The following CD300LF variants were observed in gnomAD, a reference collection of about 807,000 sequenced individuals.
The protein encoded by CD300LF is CD300 molecule like family member f.
In CD300LF, 27 loss-of-function variants were observed where a neutral mutation model predicts 32.2. The observed-to-expected ratio is 0.84, with a 90% CI of 0.62 to 1.15. The LOEUF is 1.15. CD300LF is among the 50% of genes most tolerant of loss of function. The pLI is 0.00. For synonymous variants in CD300LF, 139 were observed against 143.2 expected (o/e 0.97, Z 0.21); for missense variants, 348 against 356.8 (o/e 0.98, Z 0.20).
In CD300LF at chr17:74,695,978, C is replaced by T. The variant is rs137990037; in HGVS notation, c.583-119G>A. ...TCCCCAGGTGCCCCTCTCCCATTTC[C>T]CTCCGTGTCCTCCACTTCTCAGGCT... On this transcript the variant is annotated intron_variant, in intron 5 of 6. Coordinates refer to ENST00000326165, the MANE Select transcript of CD300LF (RefSeq NM_139018.5). 2.4e-4 allele frequency: 317 copies of T among 1,306,042 alleles called. 1 individual carries two copies. In the African/African-American group the frequency reaches 4.1e-3, roughly 17 times the overall value. The allele number at this position is 1,306,042 out of a possible 1,614,324, so 80.9% of individuals were successfully genotyped here. A position where few individuals can be genotyped will look rare whatever the true frequency, so the allele number is the denominator to read the frequency against.
At position 74,695,321 on chromosome 17, in the gene CD300LF, C is replaced by T. The variant is rs1039707131; in HGVS notation, c.718-70G>A. On this transcript the variant is annotated intron_variant, in intron 6 of 6. Coordinates refer to ENST00000326165, the MANE Select transcript of CD300LF (RefSeq NM_139018.5). ...GACGGTCACGGGGCAGAGGAGCCCT[C>T]GGAGGAGGATAGTGGGGATGGACCA... The T allele has an allele frequency of 4.4e-6, 7 of 1,577,392 alleles. No individual in the cohort carries two copies. The South Asian group carries it at 4.6e-5, about 10-fold the overall frequency.
At chr17:74,696,087 C>G in intron 5 of CD300LF, 108 bp downstream of exon 5, 1 of 1,428,356 alleles carries the variant, frequency 7.0e-7, no homozygotes, top group Non-Finnish European at 9.5e-7. Context: ...GGACAGGATA[C>G]TTTGGCACAG....
rs1456712125 is a variant in CD300LF at position 74,696,713 on chromosome 17, TTAG to T, written c.560-499_560-497del. 2.6e-5 allele frequency among the ~76,000 whole-genome samples: 4 copies of T among 152,192 alleles called. No homozygotes were observed. In the East Asian group the frequency reaches 7.7e-4, roughly 29 times the overall value. ...TCATCTTCGTCCTACTGAATTCTAG[TTAG>T]TCCTCAGGTGGGCTGTAAGCTGCAG... is the stretch of plus-strand genomic sequence containing the variant. On this transcript the variant is annotated intron_variant, in intron 4 of 6. Transcript: ENST00000326165.
intron 3 of CD300LF, among the ~76,000 whole-genome samples, chr17:74,699,800 G>A (rs2032867810): frequency 1.3e-5 from 2 of 152,010 alleles, no homozygotes; most frequent in South Asian, 2.1e-4. Context: ...CACAGCAGCC[G>A]GGGGGCCTGT....
intron 1 of CD300LF, among the ~76,000 whole-genome samples, chr17:74,711,116 C>T (rs545422951): frequency 3.7e-4 from 57 of 152,140 alleles, no homozygotes; most frequent in African/African-American, 1.2e-3. Context: ...TGTTTTAAAA[C>T]GATAAATTAT....
At chr17:74,701,344 C>G (rs1477942306) in intron 3 of CD300LF, among the ~76,000 whole-genome samples, 1 of 152,176 alleles carries the variant, frequency 6.6e-6, no homozygotes, top group Non-Finnish European at 1.5e-5. Flanking sequence ...TTCCCTTAAA[C>G]AGTGACAGGC....
At chr17:74,706,720 C>A (rs151196286) in intron 1 of CD300LF, among the ~76,000 whole-genome samples, 15 of 152,242 alleles carry the variant, frequency 9.9e-5, no homozygotes, top group Non-Finnish European at 1.8e-4. Context: ...CAACAACCAA[C>A]GGCGCGGACA....
At chr17:74,699,714 C>T (rs1395659980) in intron 3 of CD300LF, among the ~76,000 whole-genome samples, 1 of 152,104 alleles carries the variant, frequency 6.6e-6, no homozygotes, top group African/African-American at 2.4e-5. Flanking sequence ...TGTGAGAGAA[C>T]GTATTTCTTT....
chr17:74,709,865 G>A (rs115732374), intron 1 of CD300LF, among the ~76,000 whole-genome samples: 2 of 151,948 alleles, frequency 1.3e-5, no homozygotes, highest in Non-Finnish European at 2.9e-5. Flanking sequence ...GAGCCATCAT[G>A]CATCACCAGC....
intron 3 of CD300LF, among the ~76,000 whole-genome samples, chr17:74,702,750 C>T (rs868397795): frequency 6.6e-6 from 1 of 152,144 alleles, no homozygotes; most frequent in South Asian, 2.1e-4. Context: ...GTCCCCAGAG[C>T]TCAGCACGGT....
intron 1 of CD300LF, among the ~76,000 whole-genome samples, chr17:74,708,550 A>G (rs1037222652): frequency 3.3e-5 from 5 of 152,372 alleles, no homozygotes; most frequent in African/African-American, 1.2e-4. Flanking sequence ...ATCTGGTGAT[A>G]CATAAACAGG....
At chr17:74,705,246 G>T (rs977813025) in intron 1 of CD300LF, 1 of 702,290 alleles carries the variant, frequency 1.4e-6, no homozygotes. Flanking sequence ...TCGAGCTGAG[G>T]CAGCCACATC....
intron 1 of CD300LF, among the ~76,000 whole-genome samples, chr17:74,705,668 C>T (rs2033446647): frequency 1.3e-5 from 2 of 152,090 alleles, no homozygotes; most frequent in Admixed American, 1.3e-4. Flanking sequence ...AATCATGGCT[C>T]ACTGAAGCCT....
intron 1 of CD300LF, among the ~76,000 whole-genome samples, chr17:74,711,142 AGGGTAAGCACACTTGCTGCTTGT>A (rs1182030735): frequency 2.0e-5 from 3 of 152,206 alleles, no homozygotes; most frequent in Non-Finnish European, 4.4e-5. Context: ...AGAGGGAAAC[AGGGTAAGCACACTTGCTGCTTGT>A]GGGTGGAAGT....
At chr17:74,696,124 G>A in intron 5 of CD300LF, 71 bp downstream of exon 5, 1 of 1,544,704 alleles carries the variant, frequency 6.5e-7, no homozygotes, top group South Asian at 1.2e-5. Flanking sequence ...TGGACCTTCT[G>A]AGAGATGGAA....
chr17:74,695,616 C>T lies in CD300LF; in HGVS notation c.717+109G>A, dbSNP rs921270670. On this transcript the variant is annotated intron_variant, in intron 6 of 6. Transcript: ENST00000326165. Reference sequence around the variant, plus strand: ...TGACTATGGCTTTGCCCCACACCTGCCTCCTCTATGCCCACATGAGCAGGA... The same window carrying T: ...TGACTATGGCTTTGCCCCACACCTGTCTCCTCTATGCCCACATGAGCAGGA... 1.1e-5 allele frequency: 17 copies of T among 1,499,196 alleles called. No homozygotes were observed. In the African/African-American group the frequency reaches 1.9e-4, roughly 17 times the overall value. 92.9% of individuals were successfully genotyped at this position (1,499,196 alleles called of 1,614,324 possible).
At chr17:74,702,072 G>A (rs1008753001) in intron 3 of CD300LF, among the ~76,000 whole-genome samples, 1 of 151,838 alleles carries the variant, frequency 6.6e-6, no homozygotes, top group Non-Finnish European at 1.5e-5. Context: ...AAAACAGAAG[G>A]CAAATGGGAG....
intron 3 of CD300LF, among the ~76,000 whole-genome samples, chr17:74,701,332 A>C (rs990032698): frequency 2.0e-4 from 30 of 152,168 alleles, no homozygotes; most frequent in African/African-American, 6.8e-4. Context: ...TACCCTTTTT[A>C]ATTCCCTTAA....
At chr17:74,699,801 G>A (rs1013569925) in intron 3 of CD300LF, among the ~76,000 whole-genome samples, 8 of 152,040 alleles carry the variant, frequency 5.3e-5, no homozygotes, top group African/African-American at 9.7e-5. Context: ...ACAGCAGCCG[G>A]GGGGCCTGTG....
Sources: allele counts gnomAD v4.1 joint callset (sites outside exome capture counted in the v4.1 genomes callset), GRCh38; gene constraint gnomAD v4.1.1; transcripts MANE v1.5; gene names NCBI Gene and HGNC (gene_info 2026-07-23, HGNC 2026-07-21).